The following NTM variants were observed in gnomAD, a reference collection of about 807,000 sequenced individuals.
The protein encoded by NTM is IgLON family member 2.
In NTM, 13 loss-of-function variants were observed where a neutral mutation model predicts 42.1. That is an observed-to-expected ratio of 0.31 (90% CI 0.20 to 0.49). The LOEUF is 0.49. NTM is among the 20% of genes least tolerant of loss of function. The pLI, the probability that NTM is intolerant of heterozygous loss-of-function variation, is 0.99. For synonymous variants in NTM, 187 were observed against 179.2 expected, an observed-to-expected ratio of 1.04 and a Z score of -0.35; for missense variants, 373 against 452.8, an observed-to-expected ratio of 0.82 and a Z score of 1.60.
chr11:131,613,724 C>T (rs560395032), intron 1 of NTM, among the ~76,000 whole-genome samples: 26 of 152,238 alleles, frequency 1.7e-4, no homozygotes, highest in Admixed American at 1.4e-3. Context: ...CCAGCTCTCC[C>T]GGTTCACAGG....
At chr11:132,042,582 C>T (rs776912831) in intron 2 of NTM, among the ~76,000 whole-genome samples, 1 of 152,176 alleles carries the variant, frequency 6.6e-6, no homozygotes. Flanking sequence ...TGGGCACTGC[C>T]ATTGTCTGCC....
At chr11:132,099,890 G>A (rs2136532453) in intron 2 of NTM, among the ~76,000 whole-genome samples, 1 of 152,154 alleles carries the variant, frequency 6.6e-6, no homozygotes, top group Non-Finnish European at 1.5e-5. Flanking sequence ...CCTAGTCTTG[G>A]TGAGCCTCCT....
chr11:132,263,378 C>T (rs572143631), intron 4 of NTM, among the ~76,000 whole-genome samples: 1 of 152,310 alleles, frequency 6.6e-6, no homozygotes, highest in African/African-American at 2.4e-5. Flanking sequence ...AGGTAAAATC[C>T]AAGAAATCAG....
intron 2 of NTM, among the ~76,000 whole-genome samples, chr11:132,126,409 T>A (rs2065846768): frequency 6.6e-6 from 1 of 152,092 alleles, no homozygotes; most frequent in Non-Finnish European, 1.5e-5. Flanking sequence ...CACCCCCTTC[T>A]TTTCTGTGAT....
At chr11:131,928,635 C>G (rs573568401) in intron 2 of NTM, among the ~76,000 whole-genome samples, 2 of 139,290 alleles carry the variant, frequency 1.4e-5, no homozygotes, top group Non-Finnish European at 3.1e-5. Flanking sequence ...GTGTTTTGTC[C>G]CACTGCAAAC....
At chr11:131,727,736 C>G (rs74596892) in intron 1 of NTM, among the ~76,000 whole-genome samples, 2,621 of 152,240 alleles carry the variant, frequency 0.017, 71 homozygotes, top group African/African-American at 0.058. Flanking sequence ...GTCTGCATTG[C>G]TCTCCTTTAC....
At chr11:131,883,517 C>CCAGGTATATAGCGCCAT (rs1220456597) in intron 1 of NTM, among the ~76,000 whole-genome samples, 1 of 152,052 alleles carries the variant, frequency 6.6e-6, no homozygotes, top group Non-Finnish European at 1.5e-5. Context: ...AAAAACAGCA[C>CCAGGTATATAGCGCCAT]CAGGTATATA....
intron 1 of NTM, among the ~76,000 whole-genome samples, chr11:131,581,573 C>T (rs747550516): frequency 3.1e-4 from 47 of 152,130 alleles, no homozygotes; most frequent in Admixed American, 2.6e-4. Context: ...TTAAGGGGTA[C>T]TTTATAGAGT....
Position 132,125,924 on chromosome 11 carries a change from A to G in NTM, c.168-20358A>G, listed in dbSNP as rs1261667198. ...CATGTGTTTGTATGTGTGTGTGTGT[A>G]TATTGTGTGTGTGTAAGAGAGATCA... On this transcript the variant is annotated intron_variant, in intron 2 of 8. Coordinates refer to ENST00000683400, the MANE Select transcript of NTM (RefSeq NM_001352005.2). Among the ~76,000 whole-genome samples the G allele has an allele frequency of 5.3e-5, 8 of 149,908 alleles. No individual in the cohort carries two copies. The East Asian group carries it at 6.0e-4, about 11-fold the overall frequency.
intron 1 of NTM, among the ~76,000 whole-genome samples, chr11:131,899,662 A>C (rs1212247156): frequency 6.6e-6 from 1 of 152,250 alleles, no homozygotes; most frequent in Non-Finnish European, 1.5e-5. Context: ...TGGGTATATC[A>C]CACGTTAATT....
In NTM at chr11:131,401,026, A is replaced by C. The variant is rs568892100; in HGVS notation, c.82+30138A>C. ...ACACACACACAGAAATAGAAAAAAAAAAGGAGAGTGAGGCATGCATAGACA... is the reference window on the plus strand; with the variant it reads ...ACACACACACAGAAATAGAAAAAAACAAGGAGAGTGAGGCATGCATAGACA... On this transcript the variant is annotated intron_variant, in intron 1 of 8. Transcript: ENST00000683400. Among the ~76,000 whole-genome samples, 27 of 151,744 alleles carry C rather than the reference A, an allele frequency of 1.8e-4. 1 individual carries two copies. In the South Asian group the frequency reaches 5.4e-3, roughly 30 times the overall value.
chr11:132,174,189 A>G (rs553606895), intron 3 of NTM, among the ~76,000 whole-genome samples: 3 of 152,338 alleles, frequency 2.0e-5, no homozygotes, highest in South Asian at 4.1e-4. Context: ...ATGGCATCCT[A>G]CATTCTAGGC....
At chr11:131,408,588 T>C (rs1444929614) in intron 1 of NTM, among the ~76,000 whole-genome samples, 1 of 152,174 alleles carries the variant, frequency 6.6e-6, no homozygotes, top group Non-Finnish European at 1.5e-5. Context: ...TGGTGTGAGT[T>C]CATTGCAGAA....
At chr11:131,975,261 A>T (rs2064146555) in intron 2 of NTM, among the ~76,000 whole-genome samples, 1 of 152,006 alleles carries the variant, frequency 6.6e-6, no homozygotes, top group Non-Finnish European at 1.5e-5. Context: ...GCTCACTTCA[A>T]CCTCTGCCTC....
chr11:131,586,579 C>G (rs2058883433), intron 1 of NTM, among the ~76,000 whole-genome samples: 1 of 152,146 alleles, frequency 6.6e-6, no homozygotes, highest in Non-Finnish European at 1.5e-5. Flanking sequence ...CTCTGGCCCA[C>G]AGACTGACTG....
At chr11:131,850,017 C>A (rs528796088) in intron 1 of NTM, among the ~76,000 whole-genome samples, 1 of 151,732 alleles carries the variant, frequency 6.6e-6, no homozygotes, top group South Asian at 2.1e-4. Context: ...TCTAGAGGCA[C>A]GTAATTTGCA....
intron 4 of NTM, among the ~76,000 whole-genome samples, chr11:132,304,664 A>G (rs932169429): frequency 6.6e-6 from 1 of 152,212 alleles, no homozygotes; most frequent in African/African-American, 2.4e-5. Context: ...GTTTTGCCAT[A>G]TATGCCTCTA....
chr11:132,308,590 A>G (rs2095175141), intron 5 of NTM, among the ~76,000 whole-genome samples: 1 of 152,056 alleles, frequency 6.6e-6, no homozygotes, highest in Admixed American at 6.6e-5. Flanking sequence ...AGACTTACGA[A>G]GCAATAGAAC....
chr11:132,211,077 G>T (rs577190613), intron 3 of NTM, among the ~76,000 whole-genome samples: 1 of 152,156 alleles, frequency 6.6e-6, no homozygotes, highest in Non-Finnish European at 1.5e-5. Context: ...GTCCAAAAGG[G>T]CAGAGAAGTA....
Sources: gnomAD v4.1 joint callset for allele counts (sites outside exome capture counted in the v4.1 genomes callset) on GRCh38, gnomAD v4.1.1 for gene constraint, MANE v1.5 for transcripts, NCBI Gene and HGNC (gene_info 2026-07-23, HGNC 2026-07-21) for gene names.